Variants in EGF observed in about 807,000 individuals in gnomAD.
EGF encodes epidermal growth factor.
Under a neutral mutation model 143.8 loss-of-function variants are expected in EGF, and 95 were observed. The ratio of observed to expected loss-of-function variants is 0.66; its 90% CI spans 0.56 to 0.78. The LOEUF (loss-of-function observed/expected upper bound fraction) is 0.78. EGF is among the 30% of genes least tolerant of loss of function. The pLI, the probability that EGF is intolerant of heterozygous loss-of-function variation, is 0.00. For synonymous variants in EGF, 510 were observed against 510.5 expected, an observed-to-expected ratio of 1.00 and a Z score of 0.01; for missense variants, 1,320 against 1,470.9, an observed-to-expected ratio of 0.90 and a Z score of 1.68.
chr4:109,998,730 G>T (rs1752155979), intron 20 of EGF, among the ~76,000 whole-genome samples: 1 of 152,146 alleles, frequency 6.6e-6, no homozygotes, highest in Non-Finnish European at 1.5e-5. Context: ...TTCTCACTAT[G>T]GGCACTGGTG....
chr4:109,916,873 G>C (rs1187007955), intron 1 of EGF, among the ~76,000 whole-genome samples: 1 of 151,992 alleles, frequency 6.6e-6, no homozygotes, highest in Non-Finnish European at 1.5e-5. Flanking sequence ...CCCAATAATA[G>C]TTCTACAACA....
At chr4:109,930,379 G>A (rs1464577911) in intron 1 of EGF, among the ~76,000 whole-genome samples, 3 of 152,180 alleles carry the variant, frequency 2.0e-5, no homozygotes, top group African/African-American at 2.4e-5. Flanking sequence ...GGGGCTTTCT[G>A]TGGGAGCAGT....
chr4:109,961,999 C>T lies in EGF; in HGVS notation c.1312+14C>T, dbSNP rs763146208. 1.9e-6 allele frequency: 3 copies of T among 1,613,118 alleles called. No homozygotes were observed. The highest frequency in any genetic ancestry group is 3.3e-5 in the Admixed American group (2 of 59,978). ...AAACATGTAGCGGTGAGTTTATTTG[C>T]TTTATTTACCTTTTGTTTGTTTGAA... On this transcript the variant is annotated intron_variant, in intron 8 of 23. Transcript: ENST00000265171.
Position 110,012,698 on chromosome 4 carries a change from A to G in EGF, c.*1243A>G, listed in dbSNP as rs1383147277. 6.6e-6 allele frequency among the ~76,000 whole-genome samples: 1 copy of G among 152,194 alleles called. No individual in the cohort carries two copies. The stretch of plus-strand genomic sequence containing the variant: ...ACGTATTAGATTATAGGCATTAGCC[A>G]TGGTGCCCAGCCTTGTAACTTTTAA... On this transcript the variant is annotated 3_prime_UTR_variant, in exon 24 of 24. Transcript: ENST00000265171.
intron 18 of EGF, chr4:109,992,579 C>T (rs1175162061): frequency 6.6e-6 from 1 of 152,112 alleles, no homozygotes; most frequent in African/African-American, 2.4e-5. Flanking sequence ...CCATTTGACC[C>T]AGCCATCCCA....
chr4:109,935,858 C>T (rs948178534), intron 1 of EGF, among the ~76,000 whole-genome samples: 8 of 152,232 alleles, frequency 5.3e-5, no homozygotes, highest in Admixed American at 6.5e-5. Flanking sequence ...TATTGATTTG[C>T]GTATGTTGAA....
At chr4:110,001,400 C>T (rs1201570531) in intron 21 of EGF, among the ~76,000 whole-genome samples, 1 of 152,216 alleles carries the variant, frequency 6.6e-6, no homozygotes, top group Non-Finnish European at 1.5e-5. Flanking sequence ...ACAAACTTGA[C>T]ATTTTAATTC....
intron 21 of EGF, 100 bp downstream of exon 21, chr4:109,999,946 A>G: frequency 6.5e-7 from 1 of 1,534,772 alleles, no homozygotes; most frequent in African/African-American, 1.4e-5. Context: ...GTACCTCTAC[A>G]TACTACATTT....
At chr4:109,963,710 G>A (rs1053202645) in intron 9 of EGF, among the ~76,000 whole-genome samples, 17 of 151,814 alleles carry the variant, frequency 1.1e-4, no homozygotes, top group Admixed American at 1.3e-4. Context: ...AAAGTTGTAC[G>A]CTTCAGCTAT....
chr4:109,964,139 T>C (rs991364818), intron 9 of EGF, among the ~76,000 whole-genome samples: 1 of 152,208 alleles, frequency 6.6e-6, no homozygotes, highest in Admixed American at 6.6e-5. Flanking sequence ...TATTTAACGC[T>C]GTCTCTTTCT....
At chr4:109,921,220 C>T (rs1737734759) in intron 1 of EGF, among the ~76,000 whole-genome samples, 1 of 150,412 alleles carries the variant, frequency 6.6e-6, no homozygotes, top group Non-Finnish European at 1.5e-5. Context: ...TCTTCCAGAG[C>T]TTTCTTCTCA....
At chr4:109,967,538 G>A (rs1031674894) in intron 10 of EGF, among the ~76,000 whole-genome samples, 1 of 152,062 alleles carries the variant, frequency 6.6e-6, no homozygotes, top group Non-Finnish European at 1.5e-5. Context: ...TTGGTTTCAT[G>A]TGAATTTTAG....
At position 110,011,371 on chromosome 4, in the gene EGF, G is replaced by A; in HGVS notation, c.3540G>A (p.Glu1180=). 6.2e-7 allele frequency: 1 copy of A among 1,614,140 alleles called. No individual in the cohort carries two copies. The highest frequency in any genetic ancestry group is 8.5e-7 in the Non-Finnish European group (1 of 1,180,020). Residue 1180 remains glutamate (E), a synonymous_variant, in exon 24 of 24, where the codon GAG becomes GAA. Transcript: ENST00000265171. ...YGTQTLEGGV[E]KPHSLLSANP... Reference sequence around the variant, plus strand: ...CACAGACCCTTGAAGGGGGTGTCGAGAAGCCCCATTCTCTCCTATCAGCTA... The same window carrying A: ...CACAGACCCTTGAAGGGGGTGTCGAAAAGCCCCATTCTCTCCTATCAGCTA...
At chr4:109,989,397 T>C (rs1750626060) in intron 18 of EGF, among the ~76,000 whole-genome samples, 1 of 152,198 alleles carries the variant, frequency 6.6e-6, no homozygotes, top group Non-Finnish European at 1.5e-5. Context: ...GTGAAGTGAT[T>C]ATCTGAAGTT....
At chr4:109,967,444 C>T (rs192276072) in intron 10 of EGF, among the ~76,000 whole-genome samples, 1 of 152,096 alleles carries the variant, frequency 6.6e-6, no homozygotes, top group African/African-American at 2.4e-5. Flanking sequence ...GTTACTACAG[C>T]CTTATAGTAT....
At chr4:110,003,062 C>T (rs1300088972) in intron 21 of EGF, among the ~76,000 whole-genome samples, 3 of 152,174 alleles carry the variant, frequency 2.0e-5, no homozygotes, top group Non-Finnish European at 2.9e-5. Flanking sequence ...TCCAGTCTGT[C>T]ATTGATGGGC....
At chr4:109,987,306 CT>C (rs908707611) in intron 16 of EGF, among the ~76,000 whole-genome samples, 4 of 151,402 alleles carry the variant, frequency 2.6e-5, no homozygotes, top group African/African-American at 7.3e-5. Context: ...CTATGCATCT[CT>C]TTTTTTTTCT....
intron 11 of EGF, among the ~76,000 whole-genome samples, chr4:109,971,041 A>G (rs916544161): frequency 9.9e-5 from 15 of 152,134 alleles, no homozygotes; most frequent in Non-Finnish European, 1.8e-4. Context: ...CCATGACACT[A>G]TTAAATCCCC....
Position 109,995,079 on chromosome 4 carries a change from C to T in EGF, c.3005+199C>T, listed in dbSNP as rs11569088. Among the ~76,000 whole-genome samples the T allele has an allele frequency of 0.014, 2,197 of 152,190 alleles. 22 individuals carry two copies. The highest frequency in any genetic ancestry group is 0.019 in the Non-Finnish European group (1,286 of 68,026). ...TATCACGATGCCCCCTTCTAGTTAC[C>T]GGTGATAAGTATAAATCTAAGGAGT... On this transcript the variant is annotated intron_variant, in intron 20 of 23. Coordinates refer to ENST00000265171, the MANE Select transcript of EGF (RefSeq NM_001963.6).
Sources: allele counts gnomAD v4.1 joint callset (sites outside exome capture counted in the v4.1 genomes callset), GRCh38; gene constraint gnomAD v4.1.1; transcripts MANE v1.5; gene names NCBI Gene and HGNC (gene_info 2026-07-23, HGNC 2026-07-21).